Variants in ZNF606 observed in about 807,000 individuals in gnomAD.
ZNF606 encodes the protein zinc finger protein 606.
Under a neutral mutation model 74.9 loss-of-function variants are expected in ZNF606, and 37 were observed. That is an observed-to-expected ratio of 0.49 (90% CI 0.38 to 0.65). The LOEUF (loss-of-function observed/expected upper bound fraction) is 0.65. Ranked by LOEUF, ZNF606 falls within the 30% of genes least tolerant of loss-of-function variation. The pLI, the probability that ZNF606 is intolerant of heterozygous loss-of-function variation, is 0.00. For synonymous variants in ZNF606, 328 were observed against 312.4 expected (o/e 1.05, Z -0.53); for missense variants, 852 against 952.9 (o/e 0.89, Z 1.39).
intron 4 of ZNF606, chr19:57,999,591 G>C: frequency 1.9e-6 from 1 of 531,910 alleles, no homozygotes. Flanking sequence ...GCCAGGGAGA[G>C]TTGGAGCTCA....
chr19:57,988,500 A>AC lies in ZNF606; in HGVS notation c.304+94dup, dbSNP rs983509863. On this transcript the variant is annotated intron_variant, in intron 5 of 6. Transcript: ENST00000551380. ...AAGATCATCTCAGCTCTTCTGAGACACCACCCTCGCCCCTGCAATGAGCTT... is the reference window on the plus strand; with the variant it reads ...AAGATCATCTCAGCTCTTCTGAGACACCCACCCTCGCCCCTGCAATGAGCTT... 3 of 1,525,058 alleles carry AC rather than the reference A, an allele frequency of 2.0e-6. No individual in the cohort carries two copies. In the Admixed American group the frequency reaches 6.0e-5, roughly 31 times the overall value. 94.5% of individuals were successfully genotyped at this position (1,525,058 alleles called of 1,614,324 possible).
chr19:57,987,073 G>A (rs1447207530), intron 6 of ZNF606, among the ~76,000 whole-genome samples: 3 of 152,122 alleles, frequency 2.0e-5, no homozygotes, highest in East Asian at 3.8e-4. Context: ...CTGGGCAGAA[G>A]AGCAAGACCT....
intron 4 of ZNF606, among the ~76,000 whole-genome samples, chr19:57,993,338 A>T (rs1352493512): frequency 6.6e-6 from 1 of 152,174 alleles, no homozygotes; most frequent in Non-Finnish European, 1.5e-5. Flanking sequence ...CTAAATAAAC[A>T]GTTGGCTTTT....
chr19:57,979,879 G>A lies in ZNF606; in HGVS notation c.801C>T (p.Asp267=). ...GTTGAATGGACTGATAAACAGTTTT[G>A]TCATAATCATTATTTTCACAGGTAA... The part of the protein sequence containing the change: ...DKVTCENNDY[D]KTVYQSIQPI... Residue 267 remains aspartate (D), a synonymous_variant, in exon 7 of 7, where the codon GAC becomes GAT. Transcript: ENST00000551380. The A allele has an allele frequency of 6.2e-7, 1 of 1,613,788 alleles. No homozygotes were observed. Among genetic ancestry groups the A allele is most frequent in the Non-Finnish European group, 8.5e-7 (1 of 1,180,004 alleles).
chr19:57,994,468 C>T (rs959782974), intron 4 of ZNF606, among the ~76,000 whole-genome samples: 11 of 152,168 alleles, frequency 7.2e-5, no homozygotes, highest in Admixed American at 5.2e-4. Context: ...ACACATTTGA[C>T]AAAAACATAC....
chr19:57,986,153 TA>T (rs2073160525), intron 6 of ZNF606, among the ~76,000 whole-genome samples: 1 of 152,026 alleles, frequency 6.6e-6, no homozygotes, highest in Non-Finnish European at 1.5e-5. Context: ...GATTTCCAGA[TA>T]AACAAAACGC....
At chr19:57,986,079 AC>A (rs1481036644) in intron 6 of ZNF606, among the ~76,000 whole-genome samples, 2 of 152,130 alleles carry the variant, frequency 1.3e-5, no homozygotes, top group Non-Finnish European at 2.9e-5. Flanking sequence ...AGACAAAAAA[AC>A]ATGACAATCA....
chr19:57,993,852 C>T (rs1004946651), intron 4 of ZNF606, among the ~76,000 whole-genome samples: 2 of 152,164 alleles, frequency 1.3e-5, no homozygotes, highest in African/African-American at 4.8e-5. Flanking sequence ...CCAGGGCATG[C>T]CTCACCAGGA....
chr19:57,985,173 A>G (rs2123285920), intron 6 of ZNF606, among the ~76,000 whole-genome samples: 1 of 152,298 alleles, frequency 6.6e-6, no homozygotes, highest in South Asian at 2.1e-4. Flanking sequence ...AACCAGGAAA[A>G]CATGTATTCT....
Position 57,979,774 on chromosome 19 carries a change from T to C in ZNF606, c.906A>G (p.Ile302Met), listed in dbSNP as rs2123262611. Residue 302 changes from isoleucine (I) to methionine (M), a missense_variant, in exon 7 of 7, where the codon ATA becomes ATG. Physicochemically the swap from Ile to Met is conservative, Grantham distance 10 (BLOSUM62 1). This residue lies in a region of ZNF606 where 545 missense variants were observed against 542.5 expected (regional missense o/e 1.00). Transcript: ENST00000551380. ...TDAVKSFNHIIHFGDHKGIHT... is the reference protein window; with the variant it reads ...TDAVKSFNHIMHFGDHKGIHT... Reference sequence around the variant, plus strand: ...GAATTCCTTTATGATCACCAAAATGTATTATATGATTGAAAGATTTAACAG... The same window carrying C: ...GAATTCCTTTATGATCACCAAAATGCATTATATGATTGAAAGATTTAACAG... 1 of 1,613,526 alleles carries C rather than the reference T, an allele frequency of 6.2e-7. No homozygotes were observed. The highest frequency in any genetic ancestry group is 8.5e-7 in the Non-Finnish European group (1 of 1,179,990).
intron 4 of ZNF606, among the ~76,000 whole-genome samples, chr19:57,996,667 G>C (rs565631901): frequency 5.9e-5 from 9 of 152,294 alleles, no homozygotes; most frequent in African/African-American, 2.2e-4. Flanking sequence ...GGGTAGGAGA[G>C]GAAATGCAGG....
chr19:57,995,419 C>T (rs1050884794), intron 4 of ZNF606, among the ~76,000 whole-genome samples: 2 of 151,940 alleles, frequency 1.3e-5, no homozygotes, highest in East Asian at 3.8e-4. Flanking sequence ...ATACACTCGG[C>T]AGCGCAAAAG....
intron 6 of ZNF606, among the ~76,000 whole-genome samples, chr19:57,985,238 G>A (rs1281653185): frequency 2.6e-5 from 4 of 152,092 alleles, no homozygotes; most frequent in East Asian, 3.9e-4. Context: ...AACTTACCCC[G>A]GTCCCATCTC....
At chr19:57,987,586 G>A (rs1383770958) in intron 6 of ZNF606, among the ~76,000 whole-genome samples, 1 of 152,088 alleles carries the variant, frequency 6.6e-6, no homozygotes, top group Non-Finnish European at 1.5e-5. Flanking sequence ...CCAGCACTTT[G>A]GGAGCCCGAG....
chr19:57,981,398 G>A (rs2073083976), intron 6 of ZNF606, among the ~76,000 whole-genome samples: 1 of 152,026 alleles, frequency 6.6e-6, no homozygotes, highest in Admixed American at 6.5e-5. Context: ...GAACCTGGAG[G>A]TGGTCTTGAA....
chr19:57,989,452 T>A (rs2073216938), intron 4 of ZNF606, among the ~76,000 whole-genome samples: 1 of 151,910 alleles, frequency 6.6e-6, no homozygotes, highest in African/African-American at 2.4e-5. Flanking sequence ...TATTATTTTT[T>A]AATTATTTTA....
chr19:57,988,569 G>A (rs376704144), intron 5 of ZNF606, 26 bp downstream of exon 5: 14 of 1,604,848 alleles, frequency 8.7e-6, no homozygotes, highest in South Asian at 7.8e-5. Context: ...GAACAGCTTC[G>A]TTTACTTGGG....
rs757048326 is a variant in ZNF606 at position 57,988,683 on chromosome 19, G to C, written c.216C>G (p.Thr72=). The stretch of plus-strand genomic sequence containing the variant: ...GGTCCAGCTGCCCCCACTCTTCTTG[G>C]GTGAAGTCCACGGCCACGTCCTTGA... ...VTFKDVAVDF[T]QEEWGQLDLV... Residue 72 remains threonine, a synonymous_variant, in exon 5 of 7, where the codon ACC becomes ACG. Coordinates refer to ENST00000551380, the MANE Select transcript of ZNF606 (RefSeq NM_001348022.3). The C allele has an allele frequency of 1.2e-6, 2 of 1,613,924 alleles. No individual in the cohort carries two copies. Among genetic ancestry groups the C allele is most frequent in the African/African-American group, 1.3e-5 (1 of 74,878 alleles).
intron 6 of ZNF606, among the ~76,000 whole-genome samples, chr19:57,983,882 G>T (rs1276393606): frequency 1.3e-5 from 2 of 152,204 alleles, no homozygotes; most frequent in South Asian, 4.1e-4. Context: ...AGAAAAAATA[G>T]AAGGTTTTGA....
Sources: allele counts gnomAD v4.1 joint callset (sites outside exome capture counted in the v4.1 genomes callset), GRCh38; gene constraint gnomAD v4.1.1; regional missense constraint gnomAD v4.1.1; transcripts MANE v1.5; gene names NCBI Gene and HGNC (gene_info 2026-07-23, HGNC 2026-07-21).